The following TMTC2 variants were observed in gnomAD, a reference collection of about 807,000 sequenced individuals.
TMTC2 encodes the protein transmembrane O-mannosyltransferase targeting cadherins 2, also known as protein O-mannosyl-transferase TMTC2.
A neutral mutation model predicts 82.4 loss-of-function variants in TMTC2; 43 were observed. The ratio of observed to expected loss-of-function variants is 0.52; its 90% CI spans 0.41 to 0.67. The LOEUF (loss-of-function observed/expected upper bound fraction) is 0.67. Ranked by LOEUF, TMTC2 falls within the 30% of genes least tolerant of loss-of-function variation. TMTC2 has a pLI of 0.00. For synonymous variants in TMTC2, 408 were observed against 381.9 expected (o/e 1.07, Z -0.80); for missense variants, 919 against 1,012.4 (o/e 0.91, Z 1.25).
rs1481425010 is a variant in TMTC2, at chr12:83,132,371, A to C, written c.2493A>C (p.Leu831Phe). 6.2e-7 allele frequency: 1 copy of C among 1,614,026 alleles called. No homozygotes were observed. Among genetic ancestry groups the C allele is most frequent in the South Asian group, 1.1e-5 (1 of 91,060 alleles). ...KLWNIMEKQG[L>F]KTSKT ...GGAACATCATGGAAAAACAAGGCTT[A>C]AAGACTTCTAAGACCTGACACAGGA... Residue 831 changes from leucine (L) to phenylalanine (F), a missense_variant, in exon 12 of 12, where the codon TTA becomes TTC. Coordinates refer to ENST00000321196, the MANE Select transcript of TMTC2 (RefSeq NM_152588.3).
Position 82,710,366 on chromosome 12 carries a change from A to G in TMTC2, c.83+22697A>G, listed in dbSNP as rs191875042. On this transcript the variant is annotated intron_variant, in intron 1 of 11. Coordinates refer to ENST00000321196, the MANE Select transcript of TMTC2 (RefSeq NM_152588.3). ...AGATGCCTTGTTTTCTCCAACAAATATTTAAGCTATATTGCCACCTCCATT... is the reference window on the plus strand; with the variant it reads ...AGATGCCTTGTTTTCTCCAACAAATGTTTAAGCTATATTGCCACCTCCATT... 1.1e-3 allele frequency among the ~76,000 whole-genome samples: 169 copies of G among 152,322 alleles called. 1 individual carries two copies. The highest frequency in any genetic ancestry group is 2.0e-3 in the Non-Finnish European group (138 of 68,018).
chr12:82,859,851 C>T (rs1027391928), intron 2 of TMTC2, among the ~76,000 whole-genome samples: 3 of 152,122 alleles, frequency 2.0e-5, no homozygotes, highest in Admixed American at 6.5e-5. Context: ...GGGTAGTGGT[C>T]GGGGGCAGCA....
chr12:83,071,158 T>TTG, intron 11 of TMTC2, among the ~76,000 whole-genome samples: 1 of 115,886 alleles, frequency 8.6e-6, no homozygotes, highest in African/African-American at 3.6e-5. Flanking sequence ...TGTTTTTTTT[T>TTG]TTGTTTTTTT....
intron 10 of TMTC2, among the ~76,000 whole-genome samples, chr12:83,059,783 G>A (rs1215435789): frequency 6.6e-6 from 1 of 151,474 alleles, no homozygotes; most frequent in Non-Finnish European, 1.5e-5. Flanking sequence ...TTTCTCTTTT[G>A]ATCCTTATCT....
At chr12:83,093,111 A>G (rs1459356854) in intron 11 of TMTC2, among the ~76,000 whole-genome samples, 1 of 152,112 alleles carries the variant, frequency 6.6e-6, no homozygotes, top group African/African-American at 2.4e-5. Flanking sequence ...GTGCATGCAC[A>G]TGTATGTGCA....
Position 82,966,998 on chromosome 12 carries a change from G to T in TMTC2, c.1948+1G>T. ...CCACAGAGCTTGTACAACATGATGG[G>T]TAAGTAAAACATTAACACTTTTAAA... is the stretch of plus-strand genomic sequence containing the variant. On this transcript the variant is annotated splice_donor_variant, in intron 7 of 11. Coordinates refer to ENST00000321196, the MANE Select transcript of TMTC2 (RefSeq NM_152588.3). LOFTEE classifies it high-confidence loss of function. 6.2e-7 allele frequency: 1 copy of T among 1,610,786 alleles called. No individual in the cohort carries two copies. The highest frequency in any genetic ancestry group is 8.5e-7 in the Non-Finnish European group (1 of 1,177,856).
chr12:82,918,302 G>A (rs1875137488), intron 3 of TMTC2, among the ~76,000 whole-genome samples: 2 of 152,130 alleles, frequency 1.3e-5, no homozygotes, highest in African/African-American at 4.8e-5. Context: ...TTTTGCAGAC[G>A]GTTTGTGATA....
In TMTC2 at chr12:82,727,833, C is replaced by CTT. The variant is rs1339691089; in HGVS notation, c.83+40165_83+40166insTT. Among the ~76,000 whole-genome samples the CTT allele has an allele frequency of 2.1e-5, 3 of 143,424 alleles. No homozygotes were observed. In the Admixed American group the frequency reaches 2.2e-4, roughly 11 times the overall value. The allele number at this position is 143,424 out of a possible 152,430, so 94.1% of individuals were successfully genotyped here. On this transcript the variant is annotated intron_variant, in intron 1 of 11. Transcript: ENST00000321196. The stretch of plus-strand genomic sequence containing the variant: ...AAAGTATTACCAATTGAAGGATAGT[C>CTT]TAAGAAAGGCCAAAAAAAAAAAAAA...
At chr12:82,964,302 T>A (rs1046376929) in intron 4 of TMTC2, among the ~76,000 whole-genome samples, 10 of 152,034 alleles carry the variant, frequency 6.6e-5, no homozygotes, top group African/African-American at 2.4e-4. Flanking sequence ...TGAGGGTGGG[T>A]TCTGGCATGG....
chr12:82,799,872 A>G (rs1419671162), intron 1 of TMTC2, among the ~76,000 whole-genome samples: 2 of 152,112 alleles, frequency 1.3e-5, no homozygotes, highest in African/African-American at 4.8e-5. Flanking sequence ...ATCAAGTTTC[A>G]TGGCAAAGCT....
intron 8 of TMTC2, among the ~76,000 whole-genome samples, chr12:83,028,622 G>A (rs1024902025): frequency 6.6e-6 from 1 of 151,998 alleles, no homozygotes; most frequent in Non-Finnish European, 1.5e-5. Flanking sequence ...TGCTCTGCCT[G>A]TCCTCTTTTT....
intron 7 of TMTC2, among the ~76,000 whole-genome samples, chr12:82,974,797 C>T (rs143393852): frequency 2.6e-5 from 4 of 152,154 alleles, no homozygotes; most frequent in Admixed American, 6.5e-5. Flanking sequence ...CAAAAGGGTA[C>T]GATCTAGTGT....
At chr12:82,876,334 GTGTTT>G (rs1278763603) in intron 2 of TMTC2, among the ~76,000 whole-genome samples, 2 of 152,130 alleles carry the variant, frequency 1.3e-5, no homozygotes, top group African/African-American at 4.8e-5. Flanking sequence ...AGTGAGTTCT[GTGTTT>G]TGTTTTAAGT....
At chr12:82,868,370 A>G (rs1365862009) in intron 2 of TMTC2, among the ~76,000 whole-genome samples, 3 of 152,322 alleles carry the variant, frequency 2.0e-5, no homozygotes, top group African/African-American at 7.2e-5. Context: ...AGCTGAGGAA[A>G]AGCCTTTTTC....
chr12:82,810,622 A>G (rs1879448996), intron 1 of TMTC2, among the ~76,000 whole-genome samples: 1 of 152,048 alleles, frequency 6.6e-6, no homozygotes. Flanking sequence ...TATGCAGGAA[A>G]TAGTTATTGT....
intron 8 of TMTC2, among the ~76,000 whole-genome samples, chr12:82,993,501 C>A (rs1333981367): frequency 1.3e-5 from 2 of 151,752 alleles, no homozygotes; most frequent in Non-Finnish European, 2.9e-5. Flanking sequence ...GTCATAAATA[C>A]ATAAAATATA....
chr12:82,901,704 G>A (rs1318866018), intron 3 of TMTC2, among the ~76,000 whole-genome samples: 1 of 152,044 alleles, frequency 6.6e-6, no homozygotes, highest in Non-Finnish European at 1.5e-5. Flanking sequence ...TAAGAAATGA[G>A]GTGAACAGGC....
Position 82,775,462 on chromosome 12 carries a change from C to T in TMTC2, c.84-81548C>T, listed in dbSNP as rs149858531. Reference sequence around the variant, plus strand: ...GAGACCCTGTCTCCAGGGGGGCGGGCGGGGAGAGAAAAAGAGAAACAAGAT... The same window carrying T: ...GAGACCCTGTCTCCAGGGGGGCGGGTGGGGAGAGAAAAAGAGAAACAAGAT... On this transcript the variant is annotated intron_variant, in intron 1 of 11. Transcript: ENST00000321196. 3.1e-3 allele frequency among the ~76,000 whole-genome samples: 458 copies of T among 147,400 alleles called. 2 individuals carry two copies. Among genetic ancestry groups the T allele is most frequent in the African/African-American group, 0.011 (439 of 39,952 alleles).
chr12:82,927,404 G>T (rs1297811810), intron 3 of TMTC2, among the ~76,000 whole-genome samples: 1 of 152,188 alleles, frequency 6.6e-6, no homozygotes, highest in African/African-American at 2.4e-5. Context: ...ATTTACAGAT[G>T]AGGAGTTGCT....
Sources: gnomAD v4.1 joint callset for allele counts (sites outside exome capture counted in the v4.1 genomes callset) on GRCh38, gnomAD v4.1.1 for gene constraint, MANE v1.5 for transcripts, NCBI Gene and HGNC (gene_info 2026-07-23, HGNC 2026-07-21) for gene names.